Variants in PRKCA observed in about 807,000 individuals in gnomAD.
PRKCA encodes protein kinase C alpha type.
In PRKCA, 27 loss-of-function variants were observed where a neutral mutation model predicts 87.0. That is an observed-to-expected ratio of 0.31 (90% CI 0.23 to 0.43). PRKCA has a LOEUF of 0.43. Among genes scored for constraint, PRKCA ranks in the 20% least tolerant of loss-of-function variants. The probability of loss-of-function intolerance (pLI) is 1.00; values close to 1 mark genes in which losing one functional copy is unlikely to be tolerated. For synonymous variants in PRKCA, 329 were observed against 311.1 expected, an observed-to-expected ratio of 1.06 and a Z score of -0.61; for missense variants, 518 against 852.3, an observed-to-expected ratio of 0.61 and a Z score of 4.88.
At chr17:66,390,115 C>CG (rs1910281402) in intron 2 of PRKCA, among the ~76,000 whole-genome samples, 3 of 152,142 alleles carry the variant, frequency 2.0e-5, no homozygotes, top group African/African-American at 7.2e-5. Context: ...CCCAGCTACT[C>CG]GGAGGCTGAG....
At chr17:66,793,215 G>A (rs1225820149) in intron 16 of PRKCA, among the ~76,000 whole-genome samples, 4 of 151,978 alleles carry the variant, frequency 2.6e-5, no homozygotes, top group Admixed American at 6.5e-5. Flanking sequence ...ATTGAGGACC[G>A]TCAGCTCAGT....
At chr17:66,501,455 G>A (rs1198567420) in intron 3 of PRKCA, among the ~76,000 whole-genome samples, 2 of 152,216 alleles carry the variant, frequency 1.3e-5, no homozygotes, top group Non-Finnish European at 2.9e-5. Flanking sequence ...GCTGAGTAGA[G>A]AAGGAATGAA....
intron 2 of PRKCA, among the ~76,000 whole-genome samples, chr17:66,349,195 C>G (rs1441151584): frequency 6.6e-6 from 1 of 152,184 alleles, no homozygotes; most frequent in Non-Finnish European, 1.5e-5. Context: ...TAAAATATTT[C>G]ATACCTGTGG....
intron 8 of PRKCA, among the ~76,000 whole-genome samples, chr17:66,714,343 C>T (rs1271471747): frequency 6.6e-6 from 1 of 152,100 alleles, no homozygotes; most frequent in Admixed American, 6.5e-5. Flanking sequence ...GGAAAAGTGT[C>T]CTGACCTCAG....
intron 16 of PRKCA, among the ~76,000 whole-genome samples, chr17:66,790,991 G>GT (rs11358340): frequency 0.14 from 19,552 of 142,886 alleles, 1,342 homozygotes; most frequent in East Asian, 0.18. Flanking sequence ...CTGTTTGCTG[G>GT]TTTTTTTTTT....
At position 66,803,922 on chromosome 17, in the gene PRKCA, C is replaced by T; in HGVS notation, c.1904C>T (p.Pro635Leu). 1 of 1,613,962 alleles carries T rather than the reference C, an allele frequency of 6.2e-7. No homozygotes were observed. Among genetic ancestry groups the T allele is most frequent in the Non-Finnish European group, 8.5e-7 (1 of 1,179,922 alleles). ...GACAAGTTCTTCACACGAGGACAGC[C>T]CGTCTTAACACCACCTGATCAGCTG... is the stretch of plus-strand genomic sequence containing the variant. Reference protein sequence around the residue: ...NFDKFFTRGQPVLTPPDQLVI... With the variant: ...NFDKFFTRGQLVLTPPDQLVI... The change falls in exon 17 of 17, where the codon CCC (proline) becomes CTC (leucine). Residue 635 changes from proline (P) to leucine (L), a missense_variant. Around this residue, in one of 5 missense-constraint regions of PRKCA, gnomAD observed 159 missense variants for 232.4 expected, o/e 0.68. Coordinates refer to ENST00000413366, the MANE Select transcript of PRKCA (RefSeq NM_002737.3). The surrounding 1 kb of genome is among the most constrained non-coding windows in gnomAD (Gnocchi z 4.4).
chr17:66,377,278 G>A (rs1909477074), intron 2 of PRKCA, among the ~76,000 whole-genome samples: 2 of 151,918 alleles, frequency 1.3e-5, no homozygotes, highest in South Asian at 4.1e-4. Flanking sequence ...TCCTGCCTCA[G>A]CCTTCCAAAG....
At chr17:66,746,215 G>A (rs1012583777) in intron 13 of PRKCA, among the ~76,000 whole-genome samples, 2 of 134,680 alleles carry the variant, frequency 1.5e-5, no homozygotes, top group African/African-American at 5.7e-5. Flanking sequence ...CCAGGCTGGA[G>A]TGCCACAGCT....
intron 3 of PRKCA, among the ~76,000 whole-genome samples, chr17:66,578,773 G>A (rs1349528963): frequency 1.3e-5 from 2 of 152,260 alleles, no homozygotes; most frequent in Non-Finnish European, 2.9e-5. Flanking sequence ...TGTGACTGTC[G>A]TGATAGTGTC....
At chr17:66,752,933 C>A (rs1275382762) in intron 13 of PRKCA, among the ~76,000 whole-genome samples, 1 of 152,194 alleles carries the variant, frequency 6.6e-6, no homozygotes, top group Non-Finnish European at 1.5e-5. Flanking sequence ...GGCAAGAGGG[C>A]CCCTGCCTTG....
At chr17:66,396,869 G>A (rs951992237) in intron 2 of PRKCA, among the ~76,000 whole-genome samples, 1 of 145,366 alleles carries the variant, frequency 6.9e-6, no homozygotes, top group African/African-American at 2.5e-5. Context: ...ATGCTGCCAT[G>A]AATACCTTTC....
chr17:66,616,768 A>C (rs1228548091), intron 3 of PRKCA, among the ~76,000 whole-genome samples: 4 of 152,166 alleles, frequency 2.6e-5, no homozygotes, highest in Non-Finnish European at 5.9e-5. Context: ...TTTGTTCCAG[A>C]GGAATCCAAG....
At chr17:66,752,240 T>G (rs1357241823) in intron 13 of PRKCA, among the ~76,000 whole-genome samples, 3 of 152,204 alleles carry the variant, frequency 2.0e-5, no homozygotes, top group Admixed American at 2.0e-4. Context: ...GTCCATTATT[T>G]GGCAGTTGTT....
intron 2 of PRKCA, among the ~76,000 whole-genome samples, chr17:66,440,700 A>G (rs1308731710): frequency 6.6e-6 from 1 of 152,072 alleles, no homozygotes; most frequent in Non-Finnish European, 1.5e-5. Context: ...GGCTAGTGAG[A>G]GCCAGTGAGG....
chr17:66,579,381 G>A (rs1969347037), intron 3 of PRKCA, among the ~76,000 whole-genome samples: 1 of 152,216 alleles, frequency 6.6e-6, no homozygotes, highest in Non-Finnish European at 1.5e-5. Context: ...CTGCGATCAA[G>A]ATGTGTGAAA....
At chr17:66,306,674 T>A (rs1904834345) in intron 2 of PRKCA, among the ~76,000 whole-genome samples, 1 of 152,160 alleles carries the variant, frequency 6.6e-6, no homozygotes, top group Non-Finnish European at 1.5e-5. Context: ...CCTTTCAGCT[T>A]ACATATCTGA....
chr17:66,565,396 G>A (rs1238259624), intron 3 of PRKCA, among the ~76,000 whole-genome samples: 1 of 152,176 alleles, frequency 6.6e-6, no homozygotes, highest in Non-Finnish European at 1.5e-5. Context: ...TTCTCATCCA[G>A]CAATCCCCAG....
At chr17:66,801,429 A>G (rs1428437412) in intron 16 of PRKCA, among the ~76,000 whole-genome samples, 1 of 152,232 alleles carries the variant, frequency 6.6e-6, no homozygotes, top group African/African-American at 2.4e-5. Flanking sequence ...AACCACTGGT[A>G]TAACCAGAGG....
intron 13 of PRKCA, among the ~76,000 whole-genome samples, chr17:66,768,393 C>T (rs191298445): frequency 5.9e-5 from 9 of 152,238 alleles, no homozygotes; most frequent in African/African-American, 2.2e-4. Context: ...TTCCCCTATT[C>T]ATTTTTAAGT....
Sources: allele counts gnomAD v4.1 joint callset (sites outside exome capture counted in the v4.1 genomes callset), GRCh38; gene constraint gnomAD v4.1.1; regional missense constraint gnomAD v4.1.1; non-coding constraint Gnocchi (gnomAD v3.1); transcripts MANE v1.5; gene names NCBI Gene and HGNC (gene_info 2026-07-23, HGNC 2026-07-21).